ABCA9: variants seen among roughly 807,000 people sequenced by gnomAD.
The protein encoded by ABCA9 is ATP binding cassette subfamily A member 9.
Under a neutral mutation model 205.3 loss-of-function variants are expected in ABCA9, and 183 were observed. The observed-to-expected ratio is 0.89, with a 90% confidence interval of 0.79 to 1.01. The LOEUF (loss-of-function observed/expected upper bound fraction) is 1.01. Among genes scored for constraint, ABCA9 ranks in the 50% least tolerant of loss-of-function variants. The pLI is 0.00. For synonymous variants in ABCA9, 651 were observed against 683.3 expected (o/e 0.95, Z 0.74); for missense variants, 1,805 against 1,912.4 (o/e 0.94, Z 1.05).
intron 25 of ABCA9, among the ~76,000 whole-genome samples, chr17:69,006,657 AG>A (rs2070143289): frequency 6.6e-6 from 1 of 152,156 alleles, no homozygotes; most frequent in South Asian, 2.1e-4. Flanking sequence ...ATGGGATGGA[AG>A]GGGGCTTCTA....
chr17:68,990,809 G>C, intron 29 of ABCA9, 28 bp downstream of exon 29: 3 of 1,594,246 alleles, frequency 1.9e-6, no homozygotes. Flanking sequence ...AAAAAAAATA[G>C]TTGACGAAGA....
intron 37 of ABCA9, among the ~76,000 whole-genome samples, chr17:68,978,104 G>C (rs2143915270): frequency 6.6e-6 from 1 of 152,332 alleles, no homozygotes; most frequent in South Asian, 2.1e-4. Context: ...GGGAGTCTAA[G>C]TCTCTTTCTA....
chr17:69,072,303 C>G, the ABCA9 span, among the ~76,000 whole-genome samples: 1 of 151,980 alleles, frequency 6.6e-6, no homozygotes, highest in Admixed American at 6.6e-5. Context: ...ATCAGATTAA[C>G]CAAGGTTGAA....
chr17:68,995,919 A>C lies in ABCA9; in HGVS notation c.3531T>G (p.Ile1177Met), dbSNP rs571090539. The C allele has an allele frequency of 6.2e-7, 1 of 1,613,856 alleles. No individual in the cohort carries two copies. Among genetic ancestry groups the C allele is most frequent in the East Asian group, 2.2e-5 (1 of 44,866 alleles). ...GTMLIPPFTL[I>M]GSLFIFSEIS... Reference sequence around the variant, plus strand: ...CCTCAGAAAAAATGAATAGAGAGCCAATCAATGTGAAGGGAGGTATTAACA... The same window carrying C: ...CCTCAGAAAAAATGAATAGAGAGCCCATCAATGTGAAGGGAGGTATTAACA... The change falls in exon 26 of 39, where the codon ATT (isoleucine) becomes ATG (methionine). Residue 1177 changes from isoleucine (I) to methionine (M), a missense_variant. Physicochemically the swap from Ile to Met is conservative, Grantham distance 10. Transcript: ENST00000340001.
At chr17:69,040,714 A>T (rs1432488984) in intron 6 of ABCA9, among the ~76,000 whole-genome samples, 1 of 152,232 alleles carries the variant, frequency 6.6e-6, no homozygotes, top group Non-Finnish European at 1.5e-5. Flanking sequence ...CAGAACTTAA[A>T]GTATGATAAA....
At chr17:69,016,523 T>TATCA in intron 21 of ABCA9, 133 bp from the exon 22 acceptor site, 4 of 746,150 alleles carry the variant, frequency 5.4e-6, no homozygotes, top group Non-Finnish European at 8.0e-6. Flanking sequence ...TTAATATCAC[T>TATCA]ATCACTCATA....
intron 35 of ABCA9, 88 bp from the exon 36 acceptor site, chr17:68,983,937 C>T: frequency 6.2e-7 from 1 of 1,603,072 alleles, no homozygotes; most frequent in Non-Finnish European, 8.5e-7. Context: ...AGAGTAAGGC[C>T]ACATAGAGTT....
chr17:68,983,746 T>C lies in ABCA9; in HGVS notation c.4603A>G (p.Ile1535Val). Residue 1535 changes from isoleucine (I) to valine (V), a missense_variant, in exon 36 of 39, where the codon ATC becomes GTC. Ile to Val is a conservative substitution (Grantham distance 29). Coordinates refer to ENST00000340001, the MANE Select transcript of ABCA9 (RefSeq NM_080283.4). ...LAQMEPLHAE[I>V]LRLFPQAAQQ... ...GCAGCCTGGGGGAAAAGCCTCAGGA[T>C]CTCTGCATGGAGGGGCTCCATTTGT... 1 of 1,614,220 alleles carries C rather than the reference T, an allele frequency of 6.2e-7. No homozygotes were observed. Among genetic ancestry groups the C allele is most frequent in the Non-Finnish European group, 8.5e-7 (1 of 1,180,038 alleles).
rs1161822196 is a variant in ABCA9 at position 68,993,034 on chromosome 17, T to C, written c.3606A>G (p.Val1202=). 1.9e-6 allele frequency: 3 copies of C among 1,613,532 alleles called. No homozygotes were observed. Among genetic ancestry groups the C allele is most frequent in the African/African-American group, 2.7e-5 (2 of 75,022 alleles). The change falls in exon 27 of 39, where the codon GTA becomes GTG. Residue 1202 remains valine (V), a synonymous_variant. Coordinates refer to ENST00000340001, the MANE Select transcript of ABCA9 (RefSeq NM_080283.4). ...DYLGASESEI[V]YLALLIPYLH... ...TTCTTACTATTAGCAGTGCCAGGTA[T>C]ACAATTTCAGATTCTGAAGCTCCTA...
intron 25 of ABCA9, among the ~76,000 whole-genome samples, chr17:69,006,199 T>A (rs1016565150): frequency 6.6e-6 from 1 of 152,218 alleles, no homozygotes; most frequent in Non-Finnish European, 1.5e-5. Flanking sequence ...TGTGGGTGGT[T>A]CCACCTCTTT....
chr17:69,056,220 A>G (rs571540352), intron 1 of ABCA9, among the ~76,000 whole-genome samples: 2 of 152,316 alleles, frequency 1.3e-5, no homozygotes, highest in East Asian at 3.9e-4. Context: ...AAATCAGTAA[A>G]ACCAAAAGCT....
Position 69,044,509 on chromosome 17 carries a change from A to G in ABCA9, c.561T>C (p.Ala187=), listed in dbSNP as rs1319874386. ...GFVAFQAAIN[A]AIIEIATNHS... ...ACTTTATACTCACTTCTATGATAGC[A>G]GCATTAATGGCAGCTTGAAAAGCTA... is the stretch of plus-strand genomic sequence containing the variant. Residue 187 remains alanine (A), a synonymous_variant, in exon 5 of 39, where the codon GCT becomes GCC. Coordinates refer to ENST00000340001, the MANE Select transcript of ABCA9 (RefSeq NM_080283.4). 10 of 1,612,854 alleles carry G rather than the reference A, an allele frequency of 6.2e-6. No individual in the cohort carries two copies. Among genetic ancestry groups the G allele is most frequent in the Non-Finnish European group, 8.5e-6 (10 of 1,179,370 alleles).
intron 1 of ABCA9, among the ~76,000 whole-genome samples, chr17:69,051,940 T>C (rs1366868097): frequency 6.6e-6 from 1 of 152,096 alleles, no homozygotes; most frequent in Non-Finnish European, 1.5e-5. Flanking sequence ...GGAGGTTGGG[T>C]GAAAAGTGGG....
chr17:69,000,184 G>A (rs1329090558), intron 25 of ABCA9, among the ~76,000 whole-genome samples: 2 of 151,870 alleles, frequency 1.3e-5, no homozygotes, highest in Admixed American at 6.6e-5. Flanking sequence ...TGGTGTTTTA[G>A]ACATGAAGTC....
At chr17:68,985,467 C>T (rs943648920) in intron 32 of ABCA9, among the ~76,000 whole-genome samples, 1 of 151,994 alleles carries the variant, frequency 6.6e-6, no homozygotes, top group Non-Finnish European at 1.5e-5. Flanking sequence ...ACTAAAATTA[C>T]AAAAATTAGC....
At chr17:69,021,151 AAAAT>A (rs2070793669) in intron 18 of ABCA9, among the ~76,000 whole-genome samples, 1 of 152,124 alleles carries the variant, frequency 6.6e-6, no homozygotes, top group African/African-American at 2.4e-5. Flanking sequence ...TATAACTTCA[AAAAT>A]GAATAAGAGA....
chr17:69,031,002 G>A (rs1041054446), intron 10 of ABCA9, among the ~76,000 whole-genome samples: 18 of 152,090 alleles, frequency 1.2e-4, no homozygotes, highest in African/African-American at 4.1e-4. Flanking sequence ...CAGTAATGAC[G>A]CAGGACTGGC....
rs2069236357 is a variant in ABCA9, at chr17:68,986,268, A to G, written c.4104T>C (p.Pro1368=). 1 of 1,613,772 alleles carries G rather than the reference A, an allele frequency of 6.2e-7. No individual in the cohort carries two copies. Among genetic ancestry groups the G allele is most frequent in the African/African-American group, 1.3e-5 (1 of 74,930 alleles). The change falls in exon 32 of 39, where the codon CCT becomes CCC. Residue 1368 remains proline (P), a synonymous_variant. Transcript: ENST00000340001. The part of the protein sequence containing the change: ...GEPLGFLGYC[P]QENALWPNLT... The stretch of plus-strand genomic sequence containing the variant: ...GGTTGGGCCACAGCGCATTCTCCTG[A>G]GGGCAGTACCCCAGGAAGCCCAGGG...
chr17:69,068,527 C>G, the ABCA9 span, among the ~76,000 whole-genome samples: 17 of 151,998 alleles, frequency 1.1e-4, no homozygotes, highest in African/African-American at 3.9e-4. Flanking sequence ...AGAAATGAAA[C>G]AGGAAAACAA....
Sources: gnomAD v4.1 joint callset for allele counts (sites outside exome capture counted in the v4.1 genomes callset) on GRCh38, gnomAD v4.1.1 for gene constraint, MANE v1.5 for transcripts, NCBI Gene and HGNC (gene_info 2026-07-23, HGNC 2026-07-21) for gene names.